CHST8: variants seen among roughly 807,000 people sequenced by gnomAD.
The protein encoded by CHST8 is GALNAC-4-ST1.
In CHST8, 10 loss-of-function variants were observed where a neutral mutation model predicts 15.0. That is an observed-to-expected ratio of 0.67 (90% confidence interval 0.41 to 1.13). The LOEUF (loss-of-function observed/expected upper bound fraction) is 1.13, where lower values mean the gene tolerates loss of function less well. Among genes scored for constraint, CHST8 ranks in the 50% most tolerant of loss-of-function variants. The probability of loss-of-function intolerance (pLI) is 0.00; values close to 1 mark genes in which losing one functional copy is unlikely to be tolerated. For synonymous variants in CHST8, 259 were observed against 256.6 expected, an observed-to-expected ratio of 1.01 and a Z score of -0.09; for missense variants, 634 against 608.2, an observed-to-expected ratio of 1.04 and a Z score of -0.45.
At chr19:33,757,115 C>T (rs655902) in intron 3 of CHST8, among the ~76,000 whole-genome samples, 35,573 of 151,916 alleles carry the variant, frequency 0.23, 4,458 homozygotes, top group Admixed American at 0.29. Flanking sequence ...TCAGGATGGG[C>T]GCAGTGGCTC....
At chr19:33,723,367 C>G (rs923298652) in intron 3 of CHST8, among the ~76,000 whole-genome samples, 2 of 152,184 alleles carry the variant, frequency 1.3e-5, no homozygotes, top group African/African-American at 4.8e-5. Context: ...TGTGTGCACG[C>G]GTGTGTCTAC....
At chr19:33,718,442 A>G (rs1430573473) in intron 3 of CHST8, among the ~76,000 whole-genome samples, 1 of 151,916 alleles carries the variant, frequency 6.6e-6, no homozygotes. Flanking sequence ...TGGTGCTTCC[A>G]AGTCCTGCAC....
At chr19:33,715,818 G>C (rs1232827857) in intron 3 of CHST8, among the ~76,000 whole-genome samples, 2 of 152,194 alleles carry the variant, frequency 1.3e-5, no homozygotes, top group Non-Finnish European at 2.9e-5. Flanking sequence ...AGCACCTGCT[G>C]TGTGCCTGGC....
chr19:33,680,818 A>G (rs574502105), intron 2 of CHST8, among the ~76,000 whole-genome samples: 2 of 152,326 alleles, frequency 1.3e-5, no homozygotes, highest in African/African-American at 2.4e-5. Context: ...CGTGCACAAC[A>G]TTAGAATTGG....
intron 3 of CHST8, among the ~76,000 whole-genome samples, chr19:33,724,729 G>A (rs1047203955): frequency 7.2e-5 from 11 of 152,188 alleles, no homozygotes; most frequent in African/African-American, 2.4e-4. Flanking sequence ...CCTAGCATGT[G>A]GCAGGCATGG....
At chr19:33,650,767 G>A (rs748673950) in intron 1 of CHST8, among the ~76,000 whole-genome samples, 1 of 151,866 alleles carries the variant, frequency 6.6e-6, no homozygotes, top group Non-Finnish European at 1.5e-5. Flanking sequence ...GAGTTCAGTA[G>A]TGTGATTTTG....
At chr19:33,669,181 G>A (rs1169175328) in intron 2 of CHST8, among the ~76,000 whole-genome samples, 7 of 152,130 alleles carry the variant, frequency 4.6e-5, no homozygotes, top group Admixed American at 6.5e-5. Context: ...CTTGGAGCCC[G>A]GGTGTGGATG....
intron 3 of CHST8, among the ~76,000 whole-genome samples, chr19:33,736,149 G>C (rs1974079773): frequency 6.6e-6 from 1 of 152,204 alleles, no homozygotes; most frequent in African/African-American, 2.4e-5. Context: ...ACAGTCTCAG[G>C]ATGCTGTTGA....
intron 2 of CHST8, among the ~76,000 whole-genome samples, chr19:33,676,158 T>C (rs539651140): frequency 5.3e-5 from 8 of 152,318 alleles, no homozygotes; most frequent in Admixed American, 1.3e-4. Context: ...TAAGTTTTTT[T>C]AAATGTGCAT....
At chr19:33,709,815 A>G (rs1973514983) in intron 3 of CHST8, among the ~76,000 whole-genome samples, 1 of 152,188 alleles carries the variant, frequency 6.6e-6, no homozygotes, top group Non-Finnish European at 1.5e-5. Flanking sequence ...CAGTGAAGAT[A>G]TCTGAGACTA....
intron 3 of CHST8, among the ~76,000 whole-genome samples, chr19:33,716,987 T>C (rs1199148817): frequency 6.6e-6 from 1 of 152,154 alleles, no homozygotes; most frequent in South Asian, 2.1e-4. Flanking sequence ...TTTATAAGGA[T>C]ACCCGTTCTA....
At chr19:33,692,249 T>G (rs1015953525) in intron 3 of CHST8, among the ~76,000 whole-genome samples, 1 of 152,228 alleles carries the variant, frequency 6.6e-6, no homozygotes, top group Non-Finnish European at 1.5e-5. Context: ...AACAGAGAAT[T>G]CACTTCTCCA....
At chr19:33,732,271 C>T (rs1001808724) in intron 3 of CHST8, among the ~76,000 whole-genome samples, 3 of 152,176 alleles carry the variant, frequency 2.0e-5, no homozygotes, top group African/African-American at 4.8e-5. Flanking sequence ...GCAAGGCTCA[C>T]GCCTAATAAA....
At chr19:33,752,203 C>G (rs1974434071) in intron 3 of CHST8, among the ~76,000 whole-genome samples, 1 of 152,198 alleles carries the variant, frequency 6.6e-6, no homozygotes, top group Non-Finnish European at 1.5e-5. Context: ...CGCAGTTCCC[C>G]CAACCTGCCC....
At chr19:33,710,012 C>T (rs538557502) in intron 3 of CHST8, among the ~76,000 whole-genome samples, 2 of 152,314 alleles carry the variant, frequency 1.3e-5, no homozygotes, top group African/African-American at 4.8e-5. Context: ...TCAATGTCTT[C>T]ACCATAGTTC....
intron 2 of CHST8, among the ~76,000 whole-genome samples, chr19:33,686,909 C>T (rs1045415539): frequency 6.6e-6 from 1 of 152,230 alleles, no homozygotes; most frequent in Non-Finnish European, 1.5e-5. Context: ...GTGCGGTGCA[C>T]ATGTGAACAC....
intron 1 of CHST8, among the ~76,000 whole-genome samples, chr19:33,646,570 G>A (rs1465152412): frequency 6.6e-6 from 1 of 152,238 alleles, no homozygotes; most frequent in Admixed American, 6.5e-5. Context: ...TAGTCCCTGA[G>A]CAAGGAGGGG....
chr19:33,648,519 G>A (rs1972384507), intron 1 of CHST8, among the ~76,000 whole-genome samples: 1 of 151,970 alleles, frequency 6.6e-6, no homozygotes, highest in South Asian at 2.1e-4. Context: ...CATAATAATG[G>A]TTTCAGGGTT....
rs532152492 is a variant in CHST8, at chr19:33,767,911, G to A, written c.131-3502G>A. ...GTACGTTTTATTTGGGGGCTTGAGA[G>A]GGGCTGGAGGTGGTTATACTGAGGC... On this transcript the variant is annotated intron_variant, in intron 3 of 4. Transcript: ENST00000650847. Among the ~76,000 whole-genome samples the A allele has an allele frequency of 3.9e-5, 6 of 152,298 alleles. No homozygotes were observed. In the East Asian group the frequency reaches 1.2e-3, roughly 29 times the overall value.
Sources: allele counts gnomAD v4.1 joint callset (sites outside exome capture counted in the v4.1 genomes callset), GRCh38; gene constraint gnomAD v4.1.1; transcripts MANE v1.5; gene names NCBI Gene and HGNC (gene_info 2026-07-23, HGNC 2026-07-21).